FBXL5: variants seen among roughly 807,000 people sequenced by gnomAD.
FBXL5 encodes the protein F-box/LRR-repeat protein 5.
Under a neutral mutation model 78.3 loss-of-function variants are expected in FBXL5, and 26 were observed. That is an observed-to-expected ratio of 0.33 (90% CI 0.24 to 0.46). FBXL5 has a LOEUF of 0.46. FBXL5 is among the 20% of genes least tolerant of loss of function. The pLI, the probability that FBXL5 is intolerant of heterozygous loss-of-function variation, is 1.00. For synonymous variants in FBXL5, 295 were observed against 282.5 expected (o/e 1.04, Z -0.45); for missense variants, 710 against 829.2 (o/e 0.86, Z 1.77).
At chr4:15,644,920 G>A (rs1018683570) in intron 1 of FBXL5, among the ~76,000 whole-genome samples, 9 of 152,136 alleles carry the variant, frequency 5.9e-5, no homozygotes, top group Non-Finnish European at 8.8e-5. Flanking sequence ...GCATTCTGGA[G>A]GGCCTGGTGA....
intron 5 of FBXL5, among the ~76,000 whole-genome samples, chr4:15,634,352 CTAA>C (rs1450124598): frequency 7.3e-6 from 1 of 137,406 alleles, no homozygotes; most frequent in African/African-American, 2.6e-5. Flanking sequence ...CCATGTCTGA[CTAA>C]TTTTTTTTCT....
chr4:15,647,339 A>G (rs189875516), intron 1 of FBXL5, among the ~76,000 whole-genome samples: 1 of 152,250 alleles, frequency 6.6e-6, no homozygotes, highest in Admixed American at 6.5e-5. Context: ...ATGTATTATA[A>G]GTAATCTAAA....
intron 9 of FBXL5, among the ~76,000 whole-genome samples, chr4:15,620,897 T>C (rs1055622258): frequency 3.3e-5 from 5 of 152,250 alleles, no homozygotes; most frequent in African/African-American, 1.2e-4. Context: ...AATCTATTTC[T>C]TTAAGTTGGC....
intron 5 of FBXL5, among the ~76,000 whole-genome samples, chr4:15,632,859 A>C: frequency 6.6e-6 from 1 of 152,272 alleles, no homozygotes; most frequent in Admixed American, 6.5e-5. Context: ...AATCAGAGAC[A>C]ATCTGACTTC....
At chr4:15,677,665 G>A (rs1243965768) in intron 1 of FBXL5, among the ~76,000 whole-genome samples, 2 of 152,196 alleles carry the variant, frequency 1.3e-5, no homozygotes, top group African/African-American at 2.4e-5. Flanking sequence ...GGGCATGAAA[G>A]TTTTGCACCC....
rs1721820194 is a variant in FBXL5 at position 15,605,384 on chromosome 4, T to A, written c.*339A>T. On this transcript the variant is annotated 3_prime_UTR_variant, in exon 11 of 11. Coordinates refer to ENST00000341285, the MANE Select transcript of FBXL5 (RefSeq NM_012161.4). ...AGTGTTAATGTGTAAAGAGAACCAATCACCTCCATGGACTTTAAAACTCAA... is the reference window on the plus strand; with the variant it reads ...AGTGTTAATGTGTAAAGAGAACCAAACACCTCCATGGACTTTAAAACTCAA... 1 of 197,986 alleles carries A rather than the reference T, an allele frequency of 5.1e-6. No individual in the cohort carries two copies. The highest frequency in any genetic ancestry group is 1.1e-5 in the Non-Finnish European group (1 of 94,772). 12.3% of individuals were successfully genotyped at this position (197,986 alleles called of 1,614,324 possible).
At chr4:15,609,742 T>A (rs1400239759) in intron 10 of FBXL5, among the ~76,000 whole-genome samples, 2 of 152,028 alleles carry the variant, frequency 1.3e-5, no homozygotes, top group Admixed American at 6.6e-5. Context: ...TTAAAAGTCA[T>A]AAAGAATCAT....
intron 6 of FBXL5, among the ~76,000 whole-genome samples, chr4:15,628,785 A>G (rs866450560): frequency 2.0e-5 from 2 of 98,148 alleles, no homozygotes; most frequent in Non-Finnish European, 4.5e-5. Flanking sequence ...ACACACACAC[A>G]CACGCACACA....
At chr4:15,638,214 C>G (rs1350478464) in intron 4 of FBXL5, among the ~76,000 whole-genome samples, 1 of 152,124 alleles carries the variant, frequency 6.6e-6, no homozygotes, top group Non-Finnish European at 1.5e-5. Flanking sequence ...TTTGAGCAGG[C>G]CAGTGCTCTG....
chr4:15,625,062 CT>C (rs1712890025), intron 9 of FBXL5, among the ~76,000 whole-genome samples, 189 bp downstream of exon 9: 1 of 152,184 alleles, frequency 6.6e-6, no homozygotes, highest in Non-Finnish European at 1.5e-5. Flanking sequence ...TGGATTTGAA[CT>C]GACAGAAATG....
intron 10 of FBXL5, among the ~76,000 whole-genome samples, chr4:15,609,655 AT>A (rs1402245197): frequency 6.6e-6 from 1 of 152,102 alleles, no homozygotes; most frequent in Non-Finnish European, 1.5e-5. Context: ...ATGCTATTCC[AT>A]TTAACACTTC....
intron 1 of FBXL5, among the ~76,000 whole-genome samples, chr4:15,679,568 A>C (rs994474366): frequency 4.0e-5 from 6 of 151,564 alleles, no homozygotes; most frequent in African/African-American, 1.5e-4. Context: ...GGAACAAAAA[A>C]AAAAAAAAAC....
intron 1 of FBXL5, 107 bp downstream of exon 1, chr4:15,655,091 GCGGCGA>G: frequency 1.2e-6 from 1 of 820,754 alleles, no homozygotes; most frequent in East Asian, 5.3e-5. Flanking sequence ...GGCTACTCGC[GCGGCGA>G]CGGCACGGGG....
chr4:15,620,005 G>A (rs149039685), intron 9 of FBXL5, among the ~76,000 whole-genome samples: 53 of 152,182 alleles, frequency 3.5e-4, no homozygotes, highest in Non-Finnish European at 6.9e-4. Flanking sequence ...GGAGTCTAAG[G>A]CTGCAGCGAG....
At chr4:15,641,708 G>A (rs1714899476) in intron 2 of FBXL5, 5 of 433,082 alleles carry the variant, frequency 1.2e-5, no homozygotes, top group South Asian at 8.3e-5. Flanking sequence ...TAATCCCCAT[G>A]TTGTTCAAGG....
intron 8 of FBXL5, 111 bp downstream of exon 8, chr4:15,626,762 C>T (rs561607741): frequency 1.9e-5 from 15 of 770,490 alleles, no homozygotes; most frequent in African/African-American, 1.6e-4. Flanking sequence ...TATACTCAGA[C>T]ATGACTGAGA....
At chr4:15,625,218 T>C in intron 9 of FBXL5, 34 bp downstream of exon 9, 1 of 1,532,900 alleles carries the variant, frequency 6.5e-7, no homozygotes, top group Non-Finnish European at 8.7e-7. Flanking sequence ...TGAGAACACG[T>C]CTATTTCTTA....
upstream of FBXL5, chr4:15,656,319 T>G (rs891411377): frequency 6.6e-6 from 3 of 456,116 alleles, no homozygotes; most frequent in East Asian, 1.4e-4. Context: ...CCGGTCAGTC[T>G]TAGATTGGTT....
intron 1 of FBXL5, among the ~76,000 whole-genome samples, chr4:15,672,160 AG>A (rs1293427313): frequency 1.3e-5 from 2 of 152,220 alleles, no homozygotes; most frequent in Non-Finnish European, 2.9e-5. Context: ...AACACTTGTT[AG>A]GCAAGACAGG....
Sources: allele counts gnomAD v4.1 joint callset (sites outside exome capture counted in the v4.1 genomes callset), GRCh38; gene constraint gnomAD v4.1.1; transcripts MANE v1.5; gene names NCBI Gene and HGNC (gene_info 2026-07-23, HGNC 2026-07-21).